Variants in DAZL observed in about 807,000 individuals in gnomAD.
DAZL encodes deleted in azoospermia like.
A neutral mutation model predicts 45.0 loss-of-function variants in DAZL; 4 were observed. The observed-to-expected ratio is 0.09, with a 90% CI of 0.04 to 0.20. The LOEUF (loss-of-function observed/expected upper bound fraction) is 0.20. Among genes scored for constraint, DAZL ranks in the 10% least tolerant of loss-of-function variants. The pLI, the probability that DAZL is intolerant of heterozygous loss-of-function variation, is 1.00. For synonymous variants in DAZL, 122 were observed against 112.4 expected (o/e 1.09, Z -0.54); for missense variants, 326 against 351.3 (o/e 0.93, Z 0.58).
At chr3:16,595,256 C>A in intron 7 of DAZL, 58 bp downstream of exon 7, 1 of 970,090 alleles carries the variant, frequency 1.0e-6, no homozygotes, top group South Asian at 1.7e-5. Flanking sequence ...TTTGTATAAA[C>A]AAGTTAAAGG....
chr3:16,595,051 A>C (rs1694577704), intron 7 of DAZL, among the ~76,000 whole-genome samples: 1 of 152,118 alleles, frequency 6.6e-6, no homozygotes, highest in African/African-American at 2.4e-5. Flanking sequence ...AAAGATGAAA[A>C]AATACATGCT....
At chr3:16,590,088 C>T (rs1328114780) in intron 10 of DAZL, among the ~76,000 whole-genome samples, 1 of 152,028 alleles carries the variant, frequency 6.6e-6, no homozygotes, top group African/African-American at 2.4e-5. Flanking sequence ...CAAAAAACCA[C>T]AGAAGACTAT....
In DAZL at chr3:16,593,749, T is replaced by C; in HGVS notation, c.641A>G (p.Tyr214Cys). The C allele has an allele frequency of 6.2e-7, 1 of 1,609,820 alleles. No individual in the cohort carries two copies. Among genetic ancestry groups the C allele is most frequent in the Non-Finnish European group, 8.5e-7 (1 of 1,176,582 alleles). The change falls in exon 9 of 11, where the codon TAC becomes TGC. Residue 214 changes from tyrosine to cysteine, a missense_variant. By Grantham distance (194) the Tyr-to-Cys change is radical. This residue lies in a region of DAZL where 227 missense variants were observed against 216.6 expected (regional missense o/e 1.05). Coordinates refer to ENST00000399444, the MANE Select transcript of DAZL (RefSeq NM_001351.4). ...TCCTGGATCAACTTCATTACAGTGGTAGTTAACAGCTGAATAAGCCTATAT... is the reference window on the plus strand; with the variant it reads ...TCCTGGATCAACTTCATTACAGTGGCAGTTAACAGCTGAATAAGCCTATAT... ...VVPPAYSAVN[Y>C]HCNEVDPGAE...
At position 16,597,031 on chromosome 3, in the gene DAZL, A is replaced by G. The variant is rs1559403199; in HGVS notation, c.315T>C (p.Gly105=). 6.2e-7 allele frequency: 1 copy of G among 1,611,846 alleles called. No homozygotes were observed. Among genetic ancestry groups the G allele is most frequent in the Non-Finnish European group, 8.5e-7 (1 of 1,179,556 alleles). ...TTGCAGGGCCCAGCTTCAGCTTTTTACCATGGAAATTTATCTGTGACTGAA... is the reference window on the plus strand; with the variant it reads ...TTGCAGGGCCCAGCTTCAGCTTTTTGCCATGGAAATTTATCTGTGACTGAA... ...KIVESQINFH[G]KKLKLGPAIR... is the part of the protein sequence containing the mutation. The change falls in exon 5 of 11, where the codon GGT becomes GGC. Residue 105 remains glycine (G), a synonymous_variant. Coordinates refer to ENST00000399444, the MANE Select transcript of DAZL (RefSeq NM_001351.4).
In DAZL at chr3:16,588,419, C is replaced by T. The variant is rs1327850463; in HGVS notation, c.*241G>A. 1.2e-5 allele frequency: 4 copies of T among 346,248 alleles called. No homozygotes were observed. Among genetic ancestry groups the T allele is most frequent in the African/African-American group, 2.1e-5 (1 of 47,736 alleles). 21.4% of individuals were successfully genotyped at this position (346,248 alleles called of 1,614,324 possible). On this transcript the variant is annotated 3_prime_UTR_variant, in exon 11 of 11. Transcript: ENST00000399444. ...TTTTAAAAAATCCTTGCAGATAAATCTTAGTTTCTTTCAGTCTCAATTATT... is the reference window on the plus strand; with the variant it reads ...TTTTAAAAAATCCTTGCAGATAAATTTTAGTTTCTTTCAGTCTCAATTATT...
intron 10 of DAZL, among the ~76,000 whole-genome samples, chr3:16,590,194 C>A (rs1278467370): frequency 1.5e-4 from 19 of 130,908 alleles, no homozygotes; most frequent in Non-Finnish European, 1.8e-4. Context: ...TCAGTTCCTT[C>A]TTTTCTAAAT....
At chr3:16,597,382 G>T in intron 4 of DAZL, 108 bp downstream of exon 4, 2 of 857,584 alleles carry the variant, frequency 2.3e-6, no homozygotes, top group South Asian at 2.9e-5. Context: ...GGATTTTTTT[G>T]ACCAGAAAGT....
In DAZL at chr3:16,605,413, G is replaced by T. The variant is rs1326995806; in HGVS notation, c.-208C>A. The T allele has an allele frequency of 3.0e-6, 2 of 655,764 alleles. No individual in the cohort carries two copies. Among genetic ancestry groups the T allele is most frequent in the South Asian group, 3.5e-5 (2 of 56,808 alleles). 40.6% of individuals were successfully genotyped at this position (655,764 alleles called of 1,614,324 possible). A position where few individuals can be genotyped will look rare whatever the true frequency, so the allele number is the denominator to read the frequency against. The stretch of plus-strand genomic sequence containing the variant: ...AAGGCGGACCGTCAGGCTGAGGAGC[G>T]CAGGCGGACTGAGGCGTGGTCCGCG... On this transcript the variant is annotated 5_prime_UTR_variant, in exon 1 of 11. Coordinates refer to ENST00000399444, the MANE Select transcript of DAZL (RefSeq NM_001351.4).
chr3:16,595,415 T>A (rs1694584195), intron 6 of DAZL, 30 bp from the exon 7 acceptor site: 3 of 1,298,124 alleles, frequency 2.3e-6, no homozygotes, highest in Non-Finnish European at 3.3e-6. Flanking sequence ...AAAGAATGAA[T>A]AATATAAAAC....
intron 10 of DAZL, among the ~76,000 whole-genome samples, chr3:16,590,912 G>A (rs1023403532): frequency 2.0e-5 from 3 of 151,948 alleles, no homozygotes; most frequent in African/African-American, 7.3e-5. Flanking sequence ...TTTTTGGGGT[G>A]ATTTAAGTAT....
At chr3:16,595,279 C>G (rs766102896) in intron 7 of DAZL, 35 bp downstream of exon 7, 2 of 1,247,994 alleles carry the variant, frequency 1.6e-6, no homozygotes, top group Admixed American at 2.0e-5. Context: ...TCAATAAAAT[C>G]TGAAAGTAAA....
At chr3:16,605,165 C>T (rs1694759816) in intron 1 of DAZL, 38 bp downstream of exon 1, 14 of 1,614,036 alleles carry the variant, frequency 8.7e-6, no homozygotes, top group Non-Finnish European at 1.1e-5. Flanking sequence ...AGTGAAGACT[C>T]CGCCAGCCTT....
At chr3:16,602,278 A>T (rs1694702481) in intron 1 of DAZL, among the ~76,000 whole-genome samples, 1 of 152,216 alleles carries the variant, frequency 6.6e-6, no homozygotes, top group Non-Finnish European at 1.5e-5. Context: ...ATAAATTTGG[A>T]AATCAACGAC....
intron 1 of DAZL, among the ~76,000 whole-genome samples, chr3:16,600,379 T>G (rs1268716714): frequency 6.6e-6 from 1 of 152,228 alleles, no homozygotes. Context: ...AGTTTATTGC[T>G]TTTCTCTATT....
chr3:16,591,966 C>A (rs1379430130), intron 10 of DAZL, 84 bp downstream of exon 10: 5 of 1,485,596 alleles, frequency 3.4e-6, no homozygotes, highest in Non-Finnish European at 3.7e-6. Context: ...TAAGAAATCT[C>A]AAAATACATA....
chr3:16,603,327 A>G lies in DAZL; in HGVS notation c.3+1876T>C, dbSNP rs142608549. ...ATTAATAATACAAGCATGCCAAGAT[A>G]TTTACACAAGGATATTCATAGCATT... is the stretch of plus-strand genomic sequence containing the variant. On this transcript the variant is annotated intron_variant, in intron 1 of 10. Coordinates refer to ENST00000399444, the MANE Select transcript of DAZL (RefSeq NM_001351.4). 8.2e-4 allele frequency among the ~76,000 whole-genome samples: 124 copies of G among 151,706 alleles called. 1 individual carries two copies. Among genetic ancestry groups the G allele is most frequent in the Admixed American group, 7.8e-3 (118 of 15,180 alleles).
intron 1 of DAZL, among the ~76,000 whole-genome samples, chr3:16,600,368 G>A (rs1204685470): frequency 2.0e-5 from 3 of 152,166 alleles, no homozygotes; most frequent in Non-Finnish European, 4.4e-5. Flanking sequence ...AACTAAAGCT[G>A]AGTTTATTGC....
chr3:16,601,894 A>G (rs1056782936), intron 1 of DAZL, among the ~76,000 whole-genome samples: 1 of 152,224 alleles, frequency 6.6e-6, no homozygotes. Context: ...AACTCCTGGG[A>G]TGTCAGCTTC....
intron 4 of DAZL, 56 bp downstream of exon 4, chr3:16,597,434 T>C (rs992242205): frequency 8.9e-7 from 1 of 1,121,422 alleles, no homozygotes; most frequent in Non-Finnish European, 1.4e-6. Context: ...GTATATCACT[T>C]GACACTAAAC....
Sources: gnomAD v4.1 joint callset for allele counts (sites outside exome capture counted in the v4.1 genomes callset) on GRCh38, gnomAD v4.1.1 for gene constraint, gnomAD v4.1.1 regional missense constraint, MANE v1.5 for transcripts, NCBI Gene and HGNC (gene_info 2026-07-23, HGNC 2026-07-21) for gene names.